Variants in HCN1 observed in about 807,000 individuals in gnomAD.
HCN1 encodes hyperpolarization activated cyclic nucleotide gated potassium channel 1.
In HCN1, 13 loss-of-function variants were observed where a neutral mutation model predicts 78.9. The ratio of observed to expected loss-of-function variants is 0.16; its 90% confidence interval spans 0.11 to 0.26. HCN1 has a LOEUF of 0.26. Among genes scored for constraint, HCN1 ranks in the 10% least tolerant of loss-of-function variants. HCN1 has a pLI of 1.00. For synonymous variants in HCN1, 552 were observed against 455.5 expected, an observed-to-expected ratio of 1.21 and a Z score of -2.70; for missense variants, 810 against 1,154.3, an observed-to-expected ratio of 0.70 and a Z score of 4.32.
intron 1 of HCN1, among the ~76,000 whole-genome samples, chr5:45,664,268 T>G (rs138951959): frequency 0.06 from 6,733 of 112,056 alleles, 152 homozygotes; most frequent in Non-Finnish European, 0.085. Flanking sequence ...TGAGATCACA[T>G]GGACACAGGA....
At chr5:45,535,194 A>C (rs559478654) in intron 2 of HCN1, among the ~76,000 whole-genome samples, 1 of 152,242 alleles carries the variant, frequency 6.6e-6, no homozygotes, top group Non-Finnish European at 1.5e-5. Context: ...ATATAAAACT[A>C]GGGACTATCT....
chr5:45,684,806 G>A (rs1561244480), intron 1 of HCN1, among the ~76,000 whole-genome samples: 1 of 152,150 alleles, frequency 6.6e-6, no homozygotes, highest in Non-Finnish European at 1.5e-5. Context: ...AGGTTGCAGT[G>A]AGCCGTGATC....
At chr5:45,693,220 A>G (rs753773454) in intron 1 of HCN1, among the ~76,000 whole-genome samples, 3 of 152,146 alleles carry the variant, frequency 2.0e-5, no homozygotes, top group Non-Finnish European at 4.4e-5. Context: ...GACGTTATAG[A>G]TTTTAGAAAA....
At chr5:45,668,319 C>T (rs1361698583) in intron 1 of HCN1, among the ~76,000 whole-genome samples, 1 of 151,764 alleles carries the variant, frequency 6.6e-6, no homozygotes, top group Non-Finnish European at 1.5e-5. Flanking sequence ...GCACTTTCCC[C>T]TCTGCTGTTC....
At chr5:45,310,717 T>C (rs1468029907) in intron 5 of HCN1, among the ~76,000 whole-genome samples, 1 of 152,146 alleles carries the variant, frequency 6.6e-6, no homozygotes, top group Non-Finnish European at 1.5e-5. Context: ...TGCATGCATA[T>C]GTTCATTGCA....
At chr5:45,459,737 G>T (rs796438498) in intron 3 of HCN1, among the ~76,000 whole-genome samples, 2 of 151,926 alleles carry the variant, frequency 1.3e-5, no homozygotes, top group South Asian at 4.1e-4. Flanking sequence ...AAGATACATA[G>T]GAAAAATGTA....
intron 5 of HCN1, among the ~76,000 whole-genome samples, chr5:45,327,625 A>G (rs955883380): frequency 1.6e-4 from 25 of 151,596 alleles, no homozygotes; most frequent in Non-Finnish European, 4.4e-5. Context: ...GTGTCTCCCA[A>G]AAAAATTTAT....
At chr5:45,311,915 A>G (rs1745859004) in intron 5 of HCN1, among the ~76,000 whole-genome samples, 1 of 152,244 alleles carries the variant, frequency 6.6e-6, no homozygotes, top group Non-Finnish European at 1.5e-5. Flanking sequence ...GAAGCCAAGT[A>G]AATAAGCTCA....
chr5:45,265,012 A>C (rs1378290185), intron 7 of HCN1, among the ~76,000 whole-genome samples: 6 of 152,098 alleles, frequency 3.9e-5, no homozygotes, highest in Non-Finnish European at 8.8e-5. Flanking sequence ...AACATGGTGA[A>C]ACCCCGTCTC....
intron 6 of HCN1, among the ~76,000 whole-genome samples, chr5:45,273,135 T>C (rs1344330524): frequency 6.6e-6 from 1 of 152,096 alleles, no homozygotes; most frequent in African/African-American, 2.4e-5. Context: ...CTTAGCGTAT[T>C]AATTTTAATT....
At chr5:45,393,348 A>G (rs1739622437) in intron 4 of HCN1, among the ~76,000 whole-genome samples, 1 of 152,150 alleles carries the variant, frequency 6.6e-6, no homozygotes, top group Non-Finnish European at 1.5e-5. Flanking sequence ...ACTAGAAATA[A>G]TAGTCAGCTT....
At position 45,583,722 on chromosome 5, in the gene HCN1, T is replaced by G. The variant is rs568656818; in HGVS notation, c.849+61463A>C. Among the ~76,000 whole-genome samples, 185 of 152,320 alleles carry G rather than the reference T, an allele frequency of 1.2e-3. 1 individual carries two copies. The highest frequency in any genetic ancestry group is 4.3e-3 in the African/African-American group (180 of 41,576). On this transcript the variant is annotated intron_variant, in intron 2 of 7. Transcript: ENST00000303230. ...ATGTGTCCCAGAGATTCTGGTGTGT[T>G]GTGTCTTTGTTCTCGTTGGTTTCAA...
intron 2 of HCN1, among the ~76,000 whole-genome samples, chr5:45,523,328 T>C (rs1330168769): frequency 6.6e-6 from 1 of 152,104 alleles, no homozygotes; most frequent in East Asian, 1.9e-4. Flanking sequence ...TACGTGTGCA[T>C]GTGTCTTTAT....
intron 2 of HCN1, among the ~76,000 whole-genome samples, chr5:45,588,520 G>A (rs1744287712): frequency 6.6e-6 from 1 of 152,128 alleles, no homozygotes; most frequent in African/African-American, 2.4e-5. Flanking sequence ...CTAAGTTGCA[G>A]GATAGCTAGA....
chr5:45,571,938 T>A (rs1483256573), intron 2 of HCN1, among the ~76,000 whole-genome samples: 2 of 152,102 alleles, frequency 1.3e-5, no homozygotes, highest in Admixed American at 1.3e-4. Flanking sequence ...AAAAATATTT[T>A]AAAAGTCACT....
At chr5:45,694,685 G>A (rs2112107219) in intron 1 of HCN1, among the ~76,000 whole-genome samples, 1 of 152,324 alleles carries the variant, frequency 6.6e-6, no homozygotes. Context: ...AAAATGGGAA[G>A]TCCAGCCTTG....
intron 5 of HCN1, among the ~76,000 whole-genome samples, chr5:45,306,932 T>C (rs536529869): frequency 2.0e-5 from 3 of 152,172 alleles, no homozygotes; most frequent in Non-Finnish European, 4.4e-5. Flanking sequence ...GTTGGCACTT[T>C]AAAAAATGCA....
At chr5:45,534,227 T>C (rs1742917927) in intron 2 of HCN1, among the ~76,000 whole-genome samples, 1 of 150,222 alleles carries the variant, frequency 6.7e-6, no homozygotes, top group Non-Finnish European at 1.5e-5. Context: ...GAAACACCCG[T>C]CTCTACAAAA....
Position 45,271,228 on chromosome 5 carries a change from T to A in HCN1, c.1619-3975A>T, listed in dbSNP as rs539510194. ...CATTTTGTTTAAAAAGATAATGTAC[T>A]TATTTTACCTTTTGTAGTTTGTGGG... On this transcript the variant is annotated intron_variant, in intron 6 of 7. Coordinates refer to ENST00000303230, the MANE Select transcript of HCN1 (RefSeq NM_021072.4). Among the ~76,000 whole-genome samples, 4 of 152,214 alleles carry A rather than the reference T, an allele frequency of 2.6e-5. No individual in the cohort carries two copies. The East Asian group carries it at 7.7e-4, about 29-fold the overall frequency.
Sources: gnomAD v4.1 joint callset for allele counts (sites outside exome capture counted in the v4.1 genomes callset) on GRCh38, gnomAD v4.1.1 for gene constraint, MANE v1.5 for transcripts, NCBI Gene and HGNC (gene_info 2026-07-23, HGNC 2026-07-21) for gene names.